The following PRKACB variants were observed in gnomAD, a reference collection of about 807,000 sequenced individuals.
The protein encoded by PRKACB is cAMP-dependent protein kinase catalytic subunit beta.
PRKACB carries 16 observed loss-of-function variants against 51.4 expected under a neutral mutation model. The observed-to-expected ratio is 0.31, with a 90% CI of 0.21 to 0.47. PRKACB has a LOEUF of 0.47. Ranked by LOEUF, PRKACB falls within the 20% of genes least tolerant of loss-of-function variation. The pLI is 1.00. For synonymous variants in PRKACB, 147 were observed against 154.4 expected (o/e 0.95, Z 0.35); for missense variants, 309 against 464.5 (o/e 0.67, Z 3.08).
intron 1 of PRKACB, among the ~76,000 whole-genome samples, chr1:84,134,021 A>G (rs1413353291): frequency 6.6e-6 from 1 of 152,192 alleles, no homozygotes; most frequent in Non-Finnish European, 1.5e-5. Flanking sequence ...AGTGGCTCTC[A>G]GCGGGAAAGG....
chr1:84,088,604 G>C (rs909733114), intron 1 of PRKACB, among the ~76,000 whole-genome samples: 1 of 152,168 alleles, frequency 6.6e-6, no homozygotes, highest in Non-Finnish European at 1.5e-5. Context: ...AGCTCCCTCT[G>C]AGTAGGAGCC....
intron 1 of PRKACB, among the ~76,000 whole-genome samples, chr1:84,087,175 G>C (rs1648079152): frequency 6.6e-6 from 1 of 152,222 alleles, no homozygotes; most frequent in Admixed American, 6.5e-5. Flanking sequence ...GTTTAGATCA[G>C]GGCAGCTAAC....
At position 84,144,399 on chromosome 1, in the gene PRKACB, C is replaced by G; in HGVS notation, c.38C>G (p.Thr13Arg). The change falls in exon 1 of 10, where the codon ACA becomes AGA. Residue 13 changes from threonine to arginine, a missense_variant. By Grantham distance (71) the Thr-to-Arg change is moderately conservative. Transcript: ENST00000370685. ...AYREPPCNQY[T>R]GTTTALQKLE... ...AGAGAACCACCTTGTAACCAGTATA[C>G]AGGTACAACTACAGCTCTTCAGAAA... The G allele has an allele frequency of 2.5e-6, 4 of 1,613,082 alleles. No homozygotes were observed. The highest frequency in any genetic ancestry group is 3.4e-6 in the Non-Finnish European group (4 of 1,179,550).
chr1:84,205,300 C>A, intron 8 of PRKACB: 1 of 969,092 alleles, frequency 1.0e-6, no homozygotes, highest in Non-Finnish European at 1.2e-6. Flanking sequence ...AACTCAAATT[C>A]AAACTAGAAT....
At chr1:84,092,902 G>T (rs189488991) in intron 1 of PRKACB, among the ~76,000 whole-genome samples, 121 of 147,990 alleles carry the variant, frequency 8.2e-4, no homozygotes, top group South Asian at 2.8e-3. Context: ...TTTTTTTCAG[G>T]TATTTCCCCA....
intron 1 of PRKACB, among the ~76,000 whole-genome samples, chr1:84,127,175 G>A (rs1651692476): frequency 6.6e-6 from 1 of 152,146 alleles, no homozygotes; most frequent in African/African-American, 2.4e-5. Flanking sequence ...TATAGAAAAT[G>A]TACATTTGTA....
intron 1 of PRKACB, among the ~76,000 whole-genome samples, chr1:84,104,482 C>A (rs189799177): frequency 6.6e-5 from 10 of 152,048 alleles, no homozygotes; most frequent in South Asian, 2.1e-4. Flanking sequence ...GATTTCCTTC[C>A]GTTTGCATTA....
At chr1:84,116,855 C>A (rs771471002) in intron 1 of PRKACB, among the ~76,000 whole-genome samples, 41 of 151,978 alleles carry the variant, frequency 2.7e-4, no homozygotes, top group Admixed American at 2.7e-3. Context: ...TGCACTGTGT[C>A]GAATAATAGT....
At chr1:84,231,914 A>G (rs1675749160) in intron 9 of PRKACB, among the ~76,000 whole-genome samples, 1 of 149,848 alleles carries the variant, frequency 6.7e-6, no homozygotes, top group South Asian at 2.1e-4. Flanking sequence ...TTGTGTCTCT[A>G]TTTCCTTCAG....
upstream of PRKACB, among the ~76,000 whole-genome samples, chr1:84,139,689 T>G (rs530229036): frequency 6.6e-6 from 1 of 152,336 alleles, no homozygotes; most frequent in Admixed American, 6.5e-5. Flanking sequence ...AGATTATATT[T>G]GTAGACATAG....
rs1398180565 is a variant in PRKACB, at chr1:84,174,319, T to A, written c.188-4858T>A. Among the ~76,000 whole-genome samples the A allele has an allele frequency of 2.0e-5, 3 of 151,856 alleles. No homozygotes were observed. In the Admixed American group the frequency reaches 2.0e-4, roughly 10 times the overall value. ...ACTTTATCTGCCAGAGGAATTCTTATCTTTCAAGATTCAGCACAAATGCTG... is the reference window on the plus strand; with the variant it reads ...ACTTTATCTGCCAGAGGAATTCTTAACTTTCAAGATTCAGCACAAATGCTG... On this transcript the variant is annotated intron_variant, in intron 1 of 9. Coordinates refer to ENST00000370685, the MANE Select transcript of PRKACB (RefSeq NM_182948.4).
chr1:84,171,234 G>T (rs918454953), intron 1 of PRKACB, among the ~76,000 whole-genome samples: 10 of 151,456 alleles, frequency 6.6e-5, no homozygotes, highest in South Asian at 2.1e-4. Flanking sequence ...AGACATTCAT[G>T]ATATAAGAAA....
intron 1 of PRKACB, among the ~76,000 whole-genome samples, chr1:84,149,055 A>G (rs1020102276): frequency 1.3e-5 from 2 of 152,172 alleles, no homozygotes; most frequent in African/African-American, 4.8e-5. Flanking sequence ...GCTGATTTAT[A>G]TGCACATTAA....
chr1:84,096,222 CA>C (rs1367413397), intron 1 of PRKACB, among the ~76,000 whole-genome samples: 2 of 152,018 alleles, frequency 1.3e-5, no homozygotes, highest in African/African-American at 4.8e-5. Flanking sequence ...TGGTGTTTAT[CA>C]GGGCCCTACC....
intron 5 of PRKACB, among the ~76,000 whole-genome samples, chr1:84,189,208 G>A: frequency 6.6e-6 from 1 of 151,716 alleles, no homozygotes; most frequent in East Asian, 1.9e-4. Context: ...TCAGACACAG[G>A]AAGAATGTGT....
chr1:84,083,995 A>G (rs1277112388), intron 1 of PRKACB, among the ~76,000 whole-genome samples: 2 of 152,150 alleles, frequency 1.3e-5, no homozygotes, highest in Non-Finnish European at 1.5e-5. Flanking sequence ...CATATTCCAG[A>G]AGGGGGAAGA....
intron 1 of PRKACB, among the ~76,000 whole-genome samples, chr1:84,112,498 A>G (rs1650321409): frequency 6.6e-6 from 1 of 152,022 alleles, no homozygotes; most frequent in African/African-American, 2.4e-5. Context: ...CGGCCTCCCA[A>G]AGTGCTAGGA....
At chr1:84,192,693 A>ATTC (rs1667147698) in intron 5 of PRKACB, among the ~76,000 whole-genome samples, 1 of 152,132 alleles carries the variant, frequency 6.6e-6, no homozygotes, top group African/African-American at 2.4e-5. Flanking sequence ...TAGCCTTAAG[A>ATTC]TATCAGTTGA....
chr1:84,141,947 A>G (rs1344234969), upstream of PRKACB, among the ~76,000 whole-genome samples: 1 of 151,742 alleles, frequency 6.6e-6, no homozygotes, highest in African/African-American at 2.4e-5. Flanking sequence ...AAATTTAGTA[A>G]CAAATAGAAA....
Sources: allele counts gnomAD v4.1 joint callset (sites outside exome capture counted in the v4.1 genomes callset), GRCh38; gene constraint gnomAD v4.1.1; transcripts MANE v1.5; gene names NCBI Gene and HGNC (gene_info 2026-07-23, HGNC 2026-07-21).